THSD7A: variants seen among roughly 807,000 people sequenced by gnomAD.
THSD7A encodes thrombospondin type-1 domain-containing protein 7A.
A neutral mutation model predicts 231.3 loss-of-function variants in THSD7A; 96 were observed. The ratio of observed to expected loss-of-function variants is 0.41; its 90% CI spans 0.35 to 0.49. The LOEUF (loss-of-function observed/expected upper bound fraction) is 0.49. THSD7A is among the 20% of genes least tolerant of loss of function. The pLI, the probability that THSD7A is intolerant of heterozygous loss-of-function variation, is 0.05. For synonymous variants in THSD7A, 940 were observed against 743.3 expected, an observed-to-expected ratio of 1.26 and a Z score of -4.30; for missense variants, 2,290 against 2,070.2, an observed-to-expected ratio of 1.11 and a Z score of -2.06.
chr7:11,387,940 G>A (rs968458956), intron 23 of THSD7A, among the ~76,000 whole-genome samples: 1 of 152,034 alleles, frequency 6.6e-6, no homozygotes, highest in Non-Finnish European at 1.5e-5. Flanking sequence ...TTTTGACAAA[G>A]GCCTTTTCTG....
intron 16 of THSD7A, among the ~76,000 whole-genome samples, chr7:11,422,389 T>C (rs946999521): frequency 1.3e-5 from 2 of 152,102 alleles, no homozygotes; most frequent in Admixed American, 1.3e-4. Flanking sequence ...GCAGGACATT[T>C]TGACCTTCAT....
chr7:11,816,485 T>C (rs1217724114), intron 1 of THSD7A, among the ~76,000 whole-genome samples: 2 of 152,216 alleles, frequency 1.3e-5, no homozygotes, highest in Non-Finnish European at 2.9e-5. Flanking sequence ...AGGTAGATGC[T>C]ACTAGAAAAG....
chr7:11,476,724 A>G (rs1191715777), intron 7 of THSD7A, among the ~76,000 whole-genome samples: 1 of 151,106 alleles, frequency 6.6e-6, no homozygotes, highest in African/African-American at 2.4e-5. Context: ...CTGAGGCAGG[A>G]GAATCGCTTG....
At chr7:11,399,199 T>A (rs569910998) in intron 23 of THSD7A, among the ~76,000 whole-genome samples, 80 of 152,336 alleles carry the variant, frequency 5.3e-4, no homozygotes, top group Non-Finnish European at 1.0e-3. Flanking sequence ...TATGTGAGTA[T>A]GTATTTCATA....
intron 9 of THSD7A, among the ~76,000 whole-genome samples, chr7:11,468,253 T>C (rs1350671632): frequency 6.6e-6 from 1 of 152,092 alleles, no homozygotes; most frequent in Non-Finnish European, 1.5e-5. Context: ...AGTGTATTAA[T>C]TCTATGTAAT....
At chr7:11,480,424 G>A (rs947506372) in intron 7 of THSD7A, among the ~76,000 whole-genome samples, 1 of 152,166 alleles carries the variant, frequency 6.6e-6, no homozygotes, top group African/African-American at 2.4e-5. Flanking sequence ...GGTGACCACA[G>A]ATCTAATTTT....
Position 11,474,741 on chromosome 7 carries a change from G to A in THSD7A, c.2018-173C>T, listed in dbSNP as rs113837930. Among the ~76,000 whole-genome samples, 565 of 152,150 alleles carry A rather than the reference G, an allele frequency of 3.7e-3. 3 individuals are homozygous for A. The highest frequency in any genetic ancestry group is 0.013 in the African/African-American group (542 of 41,504). On this transcript the variant is annotated intron_variant, in intron 7 of 27. Coordinates refer to ENST00000423059, the MANE Select transcript of THSD7A (RefSeq NM_015204.3). This position sits in a 1 kb window ranked among gnomAD's most constrained non-coding sequence, Gnocchi z 4.1. ...AGATGCTTCAAGGGATACCTACAGGGGTTAAAAATAGTTTCTGCTACACTC... is the reference window on the plus strand; with the variant it reads ...AGATGCTTCAAGGGATACCTACAGGAGTTAAAAATAGTTTCTGCTACACTC...
chr7:11,379,448 A>G, intron 25 of THSD7A, 168 bp from the exon 26 acceptor site: 1 of 862,412 alleles, frequency 1.2e-6, no homozygotes. Context: ...ATTATATGAA[A>G]ATGTATTCTA....
At chr7:11,820,616 A>G in intron 1 of THSD7A, 2 of 738,762 alleles carry the variant, frequency 2.7e-6, no homozygotes, top group South Asian at 3.0e-5. Flanking sequence ...CTCTGGCTTG[A>G]AATTGAAAGT....
At chr7:11,813,218 T>C (rs1373882409) in intron 1 of THSD7A, among the ~76,000 whole-genome samples, 3 of 152,216 alleles carry the variant, frequency 2.0e-5, no homozygotes, top group Non-Finnish European at 2.9e-5. Context: ...TAAAAACTTG[T>C]TGGCATCCTA....
At chr7:11,641,297 GGC>G (rs1442253584) in intron 1 of THSD7A, among the ~76,000 whole-genome samples, 1 of 152,016 alleles carries the variant, frequency 6.6e-6, no homozygotes, top group Non-Finnish European at 1.5e-5. Flanking sequence ...TAATTTCAAT[GGC>G]TTACTTTTGG....
At chr7:11,516,752 G>C (rs1247496837) in intron 6 of THSD7A, among the ~76,000 whole-genome samples, 1 of 152,112 alleles carries the variant, frequency 6.6e-6, no homozygotes, top group East Asian at 1.9e-4. Context: ...AATGTTATTT[G>C]AAAATAAGGA....
Position 11,393,309 on chromosome 7 carries a change from G to C in THSD7A, c.4411+8486C>G, listed in dbSNP as rs1046599673. 9.9e-5 allele frequency among the ~76,000 whole-genome samples: 15 copies of C among 151,464 alleles called. No individual in the cohort carries two copies. The East Asian group carries it at 2.9e-3, about 30-fold the overall frequency. ...GGTCCTGACTGTTAGAAGAAGAAAG[G>C]AATAGCATTAACATCAATAAAAAAG... On this transcript the variant is annotated intron_variant, in intron 23 of 27. Transcript: ENST00000423059.
chr7:11,534,386 T>C (rs1042916721), intron 6 of THSD7A, among the ~76,000 whole-genome samples: 1 of 152,206 alleles, frequency 6.6e-6, no homozygotes. Flanking sequence ...CTTGGTCCTC[T>C]TGAAGTTATG....
Position 11,401,076 on chromosome 7 carries a change from C to A in THSD7A, c.4411+719G>T, listed in dbSNP as rs898966538. Among the ~76,000 whole-genome samples the A allele has an allele frequency of 4.6e-5, 7 of 152,104 alleles. No homozygotes were observed. The South Asian group carries it at 1.0e-3, about 23-fold the overall frequency. On this transcript the variant is annotated intron_variant, in intron 23 of 27. Transcript: ENST00000423059. ...TTCTAAGTAAAATTCAGATTAAAAT[C>A]AATTTTTACCAATAATTTGATTTAT...
rs914732260 is a variant in THSD7A at position 11,379,461 on chromosome 7, G to A, written c.4590+169C>T. ...GCATTATATGAAAATGTATTCTAAA[G>A]GTGAAAGCAAGTGAAGTCAGGACTT... On this transcript the variant is annotated intron_variant, in intron 25 of 27. Transcript: ENST00000423059. 7 of 870,908 alleles carry A rather than the reference G, an allele frequency of 8.0e-6. No homozygotes were observed. In the African/African-American group the frequency reaches 8.5e-5, roughly 11 times the overall value. 53.9% of individuals were successfully genotyped at this position (870,908 alleles called of 1,614,324 possible).
rs1212928641 is a variant in THSD7A at position 11,382,614 on chromosome 7, C to T, written c.4414G>A (p.Gly1472Arg). The T allele has an allele frequency of 1.2e-6, 2 of 1,610,948 alleles. No individual in the cohort carries two copies. Among genetic ancestry groups the T allele is most frequent in the Non-Finnish European group, 1.7e-6 (2 of 1,177,762 alleles). Residue 1472 changes from glycine (G) to arginine (R), a missense_variant and splice_region_variant, in exon 24 of 28, where the codon GGA becomes AGA. Physicochemically the swap from Gly to Arg is moderately radical, Grantham distance 125 (BLOSUM62 -2). Coordinates refer to ENST00000423059, the MANE Select transcript of THSD7A (RefSeq NM_015204.3). ...ATCCATTTATATTCATAGCACTGTC[C>T]ATCTGCAGGGAAATAATAAACATTA... ...QMLETKSCYD[G>R]QCYEYKWMAS...
intron 1 of THSD7A, among the ~76,000 whole-genome samples, chr7:11,808,850 T>C (rs1784460015): frequency 6.6e-6 from 1 of 152,124 alleles, no homozygotes; most frequent in Non-Finnish European, 1.5e-5. Context: ...CCTACAAGAA[T>C]ATCATTTACA....
intron 6 of THSD7A, among the ~76,000 whole-genome samples, chr7:11,505,481 A>C (rs1211872111): frequency 2.0e-5 from 3 of 151,892 alleles, no homozygotes; most frequent in Admixed American, 1.3e-4. Flanking sequence ...ATTTGAACAG[A>C]AGACAAAAGA....
Sources: gnomAD v4.1 joint callset for allele counts (sites outside exome capture counted in the v4.1 genomes callset) on GRCh38, gnomAD v4.1.1 for gene constraint, Gnocchi (gnomAD v3.1) non-coding constraint, MANE v1.5 for transcripts, NCBI Gene and HGNC (gene_info 2026-07-23, HGNC 2026-07-21) for gene names.